The following PDZRN4 variants were observed in gnomAD, a reference collection of about 807,000 sequenced individuals.
The protein encoded by PDZRN4 is PDZ domain-containing RING finger protein 4.
A neutral mutation model predicts 99.0 loss-of-function variants in PDZRN4; 70 were observed. The observed-to-expected ratio is 0.71, with a 90% CI of 0.58 to 0.86. The LOEUF (loss-of-function observed/expected upper bound fraction) is 0.86, where lower values mean the gene tolerates loss of function less well. PDZRN4 is among the 40% of genes least tolerant of loss of function. The probability of loss-of-function intolerance (pLI) is 0.00; values close to 1 mark genes in which losing one functional copy is unlikely to be tolerated. For synonymous variants in PDZRN4, 551 were observed against 501.6 expected (o/e 1.10, Z -1.32); for missense variants, 1,474 against 1,331.2 (o/e 1.11, Z -1.67).
intron 5 of PDZRN4, among the ~76,000 whole-genome samples, chr12:41,516,240 T>G (rs1938399236): frequency 6.6e-6 from 1 of 152,086 alleles, no homozygotes; most frequent in Admixed American, 6.6e-5. Flanking sequence ...TATGTACTTG[T>G]CTATTCTTCT....
At chr12:41,294,993 A>G (rs902221778) in intron 3 of PDZRN4, among the ~76,000 whole-genome samples, 2 of 150,550 alleles carry the variant, frequency 1.3e-5, no homozygotes, top group Non-Finnish European at 2.9e-5. Context: ...AAATGTGGTC[A>G]TAGACATGTA....
chr12:41,287,510 A>G (rs941083000), intron 3 of PDZRN4, among the ~76,000 whole-genome samples: 1 of 152,226 alleles, frequency 6.6e-6, no homozygotes. Context: ...AGATCCAAAT[A>G]TCATTTCTCT....
chr12:41,551,280 C>T (rs1939049184), intron 5 of PDZRN4, among the ~76,000 whole-genome samples: 2 of 152,150 alleles, frequency 1.3e-5, no homozygotes, highest in South Asian at 2.1e-4. Flanking sequence ...TTCATGAGGG[C>T]TCAGCAGTTC....
intron 5 of PDZRN4, among the ~76,000 whole-genome samples, chr12:41,550,817 G>T (rs1939039420): frequency 6.6e-6 from 1 of 152,052 alleles, no homozygotes; most frequent in Admixed American, 6.6e-5. Context: ...AAATCCCCTT[G>T]CTAAGGATTT....
chr12:41,201,167 T>TA (rs5797714), intron 3 of PDZRN4, among the ~76,000 whole-genome samples: 125,999 of 146,932 alleles, frequency 0.86, 54,233 homozygotes, highest in Non-Finnish European at 0.9. Flanking sequence ...TTTGTGCAAT[T>TA]AAAAAAAAAA....
intron 3 of PDZRN4, among the ~76,000 whole-genome samples, chr12:41,427,613 C>T (rs1952547781): frequency 6.6e-6 from 1 of 152,114 alleles, no homozygotes; most frequent in Admixed American, 6.6e-5. Context: ...TGCAATTAAA[C>T]ATTCTATATT....
chr12:41,520,699 T>C (rs908548141), intron 5 of PDZRN4, among the ~76,000 whole-genome samples: 4 of 151,452 alleles, frequency 2.6e-5, no homozygotes, highest in Non-Finnish European at 5.9e-5. Context: ...GCTGGTAGCA[T>C]GTTTAAAGTG....
intron 3 of PDZRN4, among the ~76,000 whole-genome samples, chr12:41,418,595 A>C (rs1952463692): frequency 1.3e-5 from 2 of 152,190 alleles, no homozygotes; most frequent in Non-Finnish European, 2.9e-5. Flanking sequence ...TCCTATTTTA[A>C]ATGGTTAAAT....
At chr12:41,272,020 A>G (rs916582520) in intron 3 of PDZRN4, among the ~76,000 whole-genome samples, 2 of 151,830 alleles carry the variant, frequency 1.3e-5, no homozygotes, top group African/African-American at 4.8e-5. Context: ...ACTATATAGA[A>G]TATCTCAAAA....
intron 3 of PDZRN4, among the ~76,000 whole-genome samples, chr12:41,267,834 A>G (rs990398930): frequency 1.3e-5 from 2 of 152,100 alleles, no homozygotes; most frequent in African/African-American, 2.4e-5. Flanking sequence ...GAGCAAAATC[A>G]GTCTCAAAAT....
intron 3 of PDZRN4, among the ~76,000 whole-genome samples, chr12:41,400,879 G>C (rs888774521): frequency 2.0e-5 from 3 of 152,078 alleles, no homozygotes; most frequent in Non-Finnish European, 4.4e-5. Context: ...GCCCTCCTTT[G>C]CTTTCCCTGC....
intron 3 of PDZRN4, among the ~76,000 whole-genome samples, chr12:41,288,196 A>C (rs1054932015): frequency 5.9e-5 from 9 of 152,188 alleles, no homozygotes; most frequent in African/African-American, 2.2e-4. Context: ...TAGGTAATAA[A>C]CGCAGCCTCT....
At chr12:41,239,982 T>C (rs1951092191) in intron 3 of PDZRN4, among the ~76,000 whole-genome samples, 1 of 152,202 alleles carries the variant, frequency 6.6e-6, no homozygotes, top group African/African-American at 2.4e-5. Context: ...AGTTCTAATA[T>C]GTGCATTTTT....
intron 3 of PDZRN4, among the ~76,000 whole-genome samples, chr12:41,380,982 G>A (rs1202923767): frequency 6.6e-6 from 1 of 152,058 alleles, no homozygotes; most frequent in African/African-American, 2.4e-5. Context: ...CTATAGAATA[G>A]CTTTGCTATG....
intron 3 of PDZRN4, among the ~76,000 whole-genome samples, chr12:41,299,567 C>G (rs1432212947): frequency 6.6e-6 from 1 of 152,020 alleles, no homozygotes; most frequent in African/African-American, 2.4e-5. Flanking sequence ...TATAGTGACA[C>G]TGTTCAGAGA....
chr12:41,477,844 G>C, intron 3 of PDZRN4: 4 of 1,491,008 alleles, frequency 2.7e-6, no homozygotes, highest in Non-Finnish European at 3.6e-6. Context: ...CTTATCTTTG[G>C]ATTTTTCTTG....
At chr12:41,552,060 T>A (rs1939065957) in intron 5 of PDZRN4, among the ~76,000 whole-genome samples, 1 of 152,194 alleles carries the variant, frequency 6.6e-6, no homozygotes, top group Non-Finnish European at 1.5e-5. Context: ...TTGATGTCTC[T>A]CCCTTCAGCC....
intron 3 of PDZRN4, among the ~76,000 whole-genome samples, chr12:41,224,620 C>A (rs1950980818): frequency 6.6e-6 from 1 of 152,140 alleles, no homozygotes; most frequent in Non-Finnish European, 1.5e-5. Flanking sequence ...TGAATATTTT[C>A]TGATCATGGA....
intron 3 of PDZRN4, among the ~76,000 whole-genome samples, chr12:41,296,312 G>C (rs1474738838): frequency 6.6e-6 from 1 of 152,194 alleles, no homozygotes; most frequent in Non-Finnish European, 1.5e-5. Flanking sequence ...TGGCTACCAA[G>C]AGGTGGCTGT....
Sources: gnomAD v4.1 joint callset for allele counts (sites outside exome capture counted in the v4.1 genomes callset) on GRCh38, gnomAD v4.1.1 for gene constraint, MANE v1.5 for transcripts, NCBI Gene and HGNC (gene_info 2026-07-23, HGNC 2026-07-21) for gene names.